PRPS2: variants seen among roughly 807,000 people sequenced by gnomAD.
PRPS2 encodes phosphoribosyl pyrophosphate synthetase 2, also known as ribose-phosphate pyrophosphokinase 2.
For synonymous variants in PRPS2, 111 were observed against 115.3 expected, an observed-to-expected ratio of 0.96 and a Z score of 0.24; for missense variants, 104 against 271.5, an observed-to-expected ratio of 0.38 and a Z score of 4.34.
At chrX:12,812,017 G>A (rs779249418) in intron 4 of PRPS2, among the ~76,000 whole-genome samples, 14 of 112,030 alleles carry the variant, frequency 1.2e-4, no homozygotes, top group Non-Finnish European at 1.7e-4. Context: ...ACGGGGTGGA[G>A]GGCAGCGCTG....
chrX:12,815,573 A>G (rs1470159397), intron 4 of PRPS2, among the ~76,000 whole-genome samples: 1 of 111,780 alleles, frequency 8.9e-6, no homozygotes, highest in Non-Finnish European at 1.9e-5. Context: ...CCCAGAAAGT[A>G]GCTTTCCTTA....
chrX:12,801,221 C>CGTGTGTGTGTGTGTGT (rs72506508), intron 2 of PRPS2, among the ~76,000 whole-genome samples: 4,485 of 93,280 alleles, frequency 0.048, 149 homozygotes, highest in South Asian at 0.11. Flanking sequence ...TGCGTGCGCA[C>CGTGTGTGTGTGTGTGT]GTGTGTGTGT....
intron 1 of PRPS2, among the ~76,000 whole-genome samples, chrX:12,793,893 G>A (rs2042531347): frequency 8.9e-6 from 1 of 111,822 alleles, no homozygotes; most frequent in African/African-American, 3.3e-5. Context: ...AGATATGCAG[G>A]GAGAGGTCCG....
At chrX:12,799,672 C>T (rs775146093) in intron 2 of PRPS2, among the ~76,000 whole-genome samples, 2 of 111,841 alleles carry the variant, frequency 1.8e-5, no homozygotes, top group East Asian at 5.6e-4. Flanking sequence ...GTGGATAGAA[C>T]TAAATACACA....
chrX:12,810,874 G>A (rs1433171098), intron 4 of PRPS2, among the ~76,000 whole-genome samples: 1 of 109,943 alleles, frequency 9.1e-6, no homozygotes, highest in Non-Finnish European at 1.9e-5. Flanking sequence ...AGAAGAAGAA[G>A]AAGAAGAGAA....
rs2042689284 is a variant in PRPS2, at chrX:12,824,117, C to G, written c.*1321C>G. The stretch of plus-strand genomic sequence containing the variant: ...TTTTAGATACTACATCAACTAGATT[C>G]AGGAGTATATCATTTGCAGTGCTTG... On this transcript the variant is annotated 3_prime_UTR_variant, in exon 7 of 7. Transcript: ENST00000380668. The G allele has an allele frequency of 8.9e-6, 1 of 112,576 alleles. No individual in the cohort carries two copies. The highest frequency in any genetic ancestry group is 1.9e-5 in the Non-Finnish European group (1 of 53,282). The allele number at this position is 112,576 out of a possible 1,213,427, so 9.3% of individuals were successfully genotyped here.
At chrX:12,814,068 A>G (rs3835359) in intron 4 of PRPS2, among the ~76,000 whole-genome samples, 3 of 50,003 alleles carry the variant, frequency 6.0e-5, no homozygotes, top group African/African-American at 2.2e-4. Context: ...CAGCCCCCCC[A>G]CCCCCGACTC....
intron 6 of PRPS2, among the ~76,000 whole-genome samples, chrX:12,821,291 C>T (rs2042674365): frequency 9.0e-6 from 1 of 111,678 alleles, no homozygotes; most frequent in Non-Finnish European, 1.9e-5. Context: ...GGAAAGAAAT[C>T]CTGACACATG....
intron 4 of PRPS2, among the ~76,000 whole-genome samples, chrX:12,812,445 G>A (rs1727077017): frequency 9.0e-6 from 1 of 111,283 alleles, no homozygotes; most frequent in African/African-American, 3.3e-5. Context: ...TGGCCAACAG[G>A]GTGAAACCCC....
At position 12,820,934 on chromosome X, in the gene PRPS2, G is replaced by T. The variant is rs1382634400; in HGVS notation, c.864+131G>T. 14 of 691,112 alleles carry T rather than the reference G, an allele frequency of 2.0e-5. No individual in the cohort carries two copies. In the East Asian group the frequency reaches 4.6e-4, roughly 22 times the overall value. The allele number at this position is 691,112 out of a possible 1,213,427, so 57.0% of individuals were successfully genotyped here. On this transcript the variant is annotated intron_variant, in intron 6 of 6. Transcript: ENST00000380668. ...CTTGGCAGAGGCGGCAGCTTCTCAT[G>T]ACGGCAGGATATAAATCATATTAGA...
At chrX:12,809,118 C>G (rs1377947514) in intron 2 of PRPS2, 116 bp from the exon 3 acceptor site, 9 of 624,449 alleles carry the variant, frequency 1.4e-5, no homozygotes, top group Admixed American at 3.5e-5. Flanking sequence ...GTATAATTTT[C>G]TTTTTGATGC....
intron 2 of PRPS2, among the ~76,000 whole-genome samples, chrX:12,804,709 C>A (rs1317486733): frequency 1.8e-5 from 2 of 111,507 alleles, no homozygotes; most frequent in Admixed American, 1.9e-4. Flanking sequence ...GGGAAATGCA[C>A]TTCTACCTTT....
At chrX:12,815,774 G>A (rs1358659309) in intron 4 of PRPS2, among the ~76,000 whole-genome samples, 1 of 111,221 alleles carries the variant, frequency 9.0e-6, no homozygotes, top group African/African-American at 3.3e-5. Context: ...CTCCCAAGTA[G>A]CTGGGGTTAC....
intron 2 of PRPS2, among the ~76,000 whole-genome samples, chrX:12,800,237 C>T (rs113673852): frequency 2.6e-4 from 29 of 111,796 alleles, no homozygotes; most frequent in African/African-American, 8.8e-4. Context: ...AGGGAGGCTG[C>T]TTCCTCGCTT....
intron 2 of PRPS2, among the ~76,000 whole-genome samples, chrX:12,800,792 TA>T (rs1226695218): frequency 8.9e-6 from 1 of 111,768 alleles, no homozygotes; most frequent in Non-Finnish European, 1.9e-5. Flanking sequence ...CCCTGAATTT[TA>T]ATCCCAGTCT....
At chrX:12,822,317 T>A (rs951321812) in intron 6 of PRPS2, among the ~76,000 whole-genome samples, 9 of 112,570 alleles carry the variant, frequency 8.0e-5, no homozygotes, top group Non-Finnish European at 1.5e-4. Context: ...CTGAGTTAGA[T>A]GATCACAGTT....
At chrX:12,807,491 CT>C (rs1328412888) in intron 2 of PRPS2, among the ~76,000 whole-genome samples, 1 of 112,352 alleles carries the variant, frequency 8.9e-6, no homozygotes, top group East Asian at 2.8e-4. Flanking sequence ...CTGATTTGCT[CT>C]TTTTATTATC....
intron 1 of PRPS2, among the ~76,000 whole-genome samples, chrX:12,792,382 C>A (rs932474426): frequency 2.7e-5 from 3 of 112,176 alleles, no homozygotes; most frequent in African/African-American, 9.7e-5. Context: ...GATGGACTTT[C>A]AGCTTCCTTC....
intron 4 of PRPS2, among the ~76,000 whole-genome samples, chrX:12,812,663 C>T (rs1001742368): frequency 2.7e-5 from 3 of 111,881 alleles, no homozygotes; most frequent in Non-Finnish European, 3.8e-5. Flanking sequence ...ACTCCAAATA[C>T]GTACAGTTTA....
Sources: allele counts gnomAD v4.1 joint callset (sites outside exome capture counted in the v4.1 genomes callset), GRCh38; gene constraint gnomAD v4.1.1; transcripts MANE v1.5; gene names NCBI Gene and HGNC (gene_info 2026-07-23, HGNC 2026-07-21).